Variants in SGCZ observed in about 807,000 individuals in gnomAD.
SGCZ encodes sarcoglycan zeta.
Under a neutral mutation model 41.3 loss-of-function variants are expected in SGCZ, and 40 were observed. The observed-to-expected ratio is 0.97, with a 90% confidence interval of 0.75 to 1.26. SGCZ has a LOEUF of 1.26. Among genes scored for constraint, SGCZ ranks in the 50% most tolerant of loss-of-function variants. SGCZ has a pLI of 0.00. For missense variants in SGCZ, 552 were observed against 369.8 expected (o/e 1.49, Z -4.04); for synonymous variants, 206 against 137.5 (o/e 1.50, Z -3.49).
chr8:14,440,100 G>C (rs975160332), intron 2 of SGCZ, among the ~76,000 whole-genome samples: 4 of 151,998 alleles, frequency 2.6e-5, no homozygotes, highest in Non-Finnish European at 2.9e-5. Flanking sequence ...TTATAAGCCA[G>C]TGAATGTATA....
chr8:14,976,870 C>A (rs971111338), intron 1 of SGCZ, among the ~76,000 whole-genome samples: 5 of 151,950 alleles, frequency 3.3e-5, no homozygotes, highest in Admixed American at 2.0e-4. Context: ...CTTAACCTAC[C>A]ATATGTAGTG....
intron 1 of SGCZ, among the ~76,000 whole-genome samples, chr8:14,742,737 C>G (rs2244469): frequency 6.6e-6 from 1 of 151,750 alleles, no homozygotes; most frequent in African/African-American, 2.4e-5. Flanking sequence ...ATACAAAACA[C>G]TACTTAGCCA....
intron 1 of SGCZ, among the ~76,000 whole-genome samples, chr8:14,659,599 C>T (rs2117478901): frequency 6.6e-6 from 1 of 152,262 alleles, no homozygotes; most frequent in East Asian, 1.9e-4. Context: ...CCAAAATATT[C>T]TATTTTCACT....
At chr8:14,942,130 T>C (rs886501323) in intron 1 of SGCZ, among the ~76,000 whole-genome samples, 1 of 151,970 alleles carries the variant, frequency 6.6e-6, no homozygotes, top group Non-Finnish European at 1.5e-5. Context: ...TAGACTAGTA[T>C]GCATTGTCTG....
chr8:14,831,753 T>C (rs957147014), intron 1 of SGCZ, among the ~76,000 whole-genome samples: 2 of 104,152 alleles, frequency 1.9e-5, no homozygotes, highest in Non-Finnish European at 4.1e-5. Context: ...GGAAGATCTG[T>C]ATAAACATAT....
At chr8:14,976,701 T>C (rs1186766196) in intron 1 of SGCZ, among the ~76,000 whole-genome samples, 3 of 152,128 alleles carry the variant, frequency 2.0e-5, no homozygotes, top group East Asian at 1.9e-4. Context: ...AGTACAAAAA[T>C]ATGACAAAGC....
At chr8:14,895,452 T>C (rs1433459440) in intron 1 of SGCZ, among the ~76,000 whole-genome samples, 2 of 152,118 alleles carry the variant, frequency 1.3e-5, no homozygotes, top group East Asian at 1.9e-4. Context: ...CTCCTGGAAA[T>C]CTTATCAGCT....
At chr8:14,921,133 T>C (rs180901295) in intron 1 of SGCZ, among the ~76,000 whole-genome samples, 11 of 152,288 alleles carry the variant, frequency 7.2e-5, no homozygotes, top group African/African-American at 2.6e-4. Flanking sequence ...ACTGTTGCGA[T>C]TGGATTAGGC....
intron 1 of SGCZ, among the ~76,000 whole-genome samples, chr8:15,097,838 G>C (rs1020934810): frequency 6.5e-4 from 4 of 6,108 alleles, no homozygotes; most frequent in East Asian, 5.6e-3. Flanking sequence ...ATATATACGT[G>C]TGTGTATATA....
intron 1 of SGCZ, among the ~76,000 whole-genome samples, chr8:14,955,981 A>G (rs1358962746): frequency 6.7e-6 from 1 of 150,002 alleles, no homozygotes; most frequent in Non-Finnish European, 1.5e-5. Flanking sequence ...CACATTTGGG[A>G]TTTTAATGCA....
At chr8:15,093,419 C>G (rs1806222728) in intron 1 of SGCZ, among the ~76,000 whole-genome samples, 1 of 152,008 alleles carries the variant, frequency 6.6e-6, no homozygotes, top group Non-Finnish European at 1.5e-5. Context: ...TGTATTTCAC[C>G]TTCAATATTC....
intron 2 of SGCZ, among the ~76,000 whole-genome samples, chr8:14,337,904 A>G (rs754580818): frequency 3.3e-5 from 5 of 152,168 alleles, no homozygotes; most frequent in Non-Finnish European, 2.9e-5. Context: ...GATGAACAGA[A>G]TTATGGCAAT....
At chr8:14,870,862 A>G (rs1804122320) in intron 1 of SGCZ, among the ~76,000 whole-genome samples, 1 of 152,204 alleles carries the variant, frequency 6.6e-6, no homozygotes, top group Non-Finnish European at 1.5e-5. Context: ...AATTCAAATC[A>G]AAACCACAAG....
intron 2 of SGCZ, among the ~76,000 whole-genome samples, chr8:14,387,534 T>C (rs766721382): frequency 9.9e-5 from 15 of 152,182 alleles, no homozygotes; most frequent in Non-Finnish European, 1.5e-5. Flanking sequence ...AATTTTATTT[T>C]AAATGTTGCA....
intron 1 of SGCZ, among the ~76,000 whole-genome samples, chr8:15,229,591 G>A (rs983800484): frequency 2.6e-5 from 4 of 152,156 alleles, no homozygotes; most frequent in Admixed American, 6.5e-5. Flanking sequence ...TCCCATGTTG[G>A]GGGAGAGTTT....
chr8:14,758,555 T>A (rs1410741800), intron 1 of SGCZ, among the ~76,000 whole-genome samples: 1 of 152,186 alleles, frequency 6.6e-6, no homozygotes, highest in African/African-American at 2.4e-5. Flanking sequence ...AGTGTGAAAT[T>A]CTATATTAAA....
At chr8:14,184,871 A>G (rs1034452013) in intron 4 of SGCZ, among the ~76,000 whole-genome samples, 1 of 152,228 alleles carries the variant, frequency 6.6e-6, no homozygotes, top group Non-Finnish European at 1.5e-5. Flanking sequence ...ACCAGAATAC[A>G]TTAGAGCATG....
chr8:14,863,291 G>C (rs191042739), intron 1 of SGCZ, among the ~76,000 whole-genome samples: 65 of 152,170 alleles, frequency 4.3e-4, no homozygotes, highest in African/African-American at 1.5e-3. Flanking sequence ...GAAATACAGA[G>C]TTTTCTTTTT....
intron 2 of SGCZ, among the ~76,000 whole-genome samples, chr8:14,344,775 C>G (rs1286204944): frequency 1.3e-5 from 2 of 151,856 alleles, no homozygotes; most frequent in Non-Finnish European, 2.9e-5. Context: ...AGACCAGCTA[C>G]AAATGAAAAT....
Sources: gnomAD v4.1 joint callset for allele counts (sites outside exome capture counted in the v4.1 genomes callset) on GRCh38, gnomAD v4.1.1 for gene constraint, MANE v1.5 for transcripts, NCBI Gene and HGNC (gene_info 2026-07-23, HGNC 2026-07-21) for gene names.